COL18A1: variants seen among roughly 807,000 people sequenced by gnomAD.
COL18A1 encodes collagen alpha-1(XVIII) chain.
COL18A1 carries 133 observed loss-of-function variants against 168.0 expected under a neutral mutation model. The ratio of observed to expected loss-of-function variants is 0.79; its 90% CI spans 0.69 to 0.91. COL18A1 has a LOEUF of 0.91. COL18A1 is among the 40% of genes least tolerant of loss of function. The pLI is 0.00. For missense variants in COL18A1, 2,126 were observed against 1,925.4 expected (o/e 1.10, Z -1.95); for synonymous variants, 949 against 809.0 (o/e 1.17, Z -2.94).
At chr21:45,477,555 A>T (rs1460010783) in intron 7 of COL18A1, 68 bp downstream of exon 7, 1 of 1,455,514 alleles carries the variant, frequency 6.9e-7, no homozygotes, top group African/African-American at 1.4e-5. Context: ...TGGGCCACTC[A>T]CTGGTGAGCC....
chr21:45,436,326 C>T (rs942828712), intron 2 of COL18A1, among the ~76,000 whole-genome samples: 5 of 152,218 alleles, frequency 3.3e-5, no homozygotes, highest in African/African-American at 4.8e-5. Flanking sequence ...CCACCCTCAC[C>T]CGGGGCCCAT....
At chr21:45,501,211 AT>A (rs2036803508) in intron 32 of COL18A1, among the ~76,000 whole-genome samples, 1 of 151,998 alleles carries the variant, frequency 6.6e-6, no homozygotes, top group East Asian at 1.9e-4. Flanking sequence ...AAATTGAGTA[AT>A]TCTACATTTC....
At chr21:45,458,715 A>C (rs980173816) in intron 2 of COL18A1, among the ~76,000 whole-genome samples, 2 of 152,138 alleles carry the variant, frequency 1.3e-5, no homozygotes, top group African/African-American at 4.8e-5. Flanking sequence ...CCTCCACTGC[A>C]AGCCCACGGA....
intron 25 of COL18A1, 73 bp downstream of exon 25, chr21:45,493,298 C>T: frequency 6.7e-7 from 1 of 1,501,202 alleles, no homozygotes; most frequent in East Asian, 2.5e-5. Context: ...CAGATGACCA[C>T]TGTTGGGAGG....
At chr21:45,499,344 G>A (rs866635558) in intron 32 of COL18A1, among the ~76,000 whole-genome samples, 14 of 152,172 alleles carry the variant, frequency 9.2e-5, no homozygotes, top group East Asian at 3.9e-4. Flanking sequence ...AGGAACCGGC[G>A]TCCCAGCGAC....
intron 3 of COL18A1, among the ~76,000 whole-genome samples, chr21:45,472,700 G>A (rs1441888372): frequency 2.0e-5 from 3 of 152,160 alleles, no homozygotes; most frequent in South Asian, 2.1e-4. Context: ...GCCCTCCCCC[G>A]CAGTGTGACG....
chr21:45,483,034 T>G (rs1359621795), intron 15 of COL18A1, among the ~76,000 whole-genome samples: 1 of 152,170 alleles, frequency 6.6e-6, no homozygotes, highest in Admixed American at 6.5e-5. Context: ...CCTTGTCACT[T>G]TTGTGATGTG....
intron 2 of COL18A1, among the ~76,000 whole-genome samples, chr21:45,462,601 C>T (rs2035081890): frequency 6.6e-6 from 1 of 152,234 alleles, no homozygotes; most frequent in Admixed American, 6.5e-5. Context: ...TTTCTGGTTT[C>T]TTTCAAGGTT....
intron 38 of COL18A1, among the ~76,000 whole-genome samples, chr21:45,508,448 T>C (rs958313042): frequency 6.2e-5 from 8 of 128,666 alleles, no homozygotes; most frequent in African/African-American, 2.4e-4. Flanking sequence ...GGTAAGTGGG[T>C]GAGTGGATGG....
chr21:45,456,655 C>T (rs1036486791), intron 2 of COL18A1: 3 of 1,534,600 alleles, frequency 2.0e-6, no homozygotes, highest in African/African-American at 1.4e-5. Context: ...CGTGGGGGGG[C>T]CTGCTGCAGA....
At chr21:45,454,436 G>T (rs1236638153) in intron 2 of COL18A1, among the ~76,000 whole-genome samples, 1 of 152,198 alleles carries the variant, frequency 6.6e-6, no homozygotes, top group South Asian at 2.1e-4. Context: ...CCAGCTGGGG[G>T]AGCTGGCGTG....
In COL18A1 at chr21:45,452,856, T is replaced by TG. The variant is rs551684688; in HGVS notation, c.107-15382dup. On this transcript the variant is annotated intron_variant, in intron 2 of 41. Coordinates refer to ENST00000651438, the MANE Select transcript of COL18A1 (RefSeq NM_001379500.1). ...ACATGTGTAAACATGTATGTATGTG[T>TG]GGGGCTTGTGTATGCATGTGAGTAT... Among the ~76,000 whole-genome samples, 250 of 144,914 alleles carry TG rather than the reference T, an allele frequency of 1.7e-3. 1 individual carries two copies. The highest frequency in any genetic ancestry group is 6.1e-3 in the African/African-American group (235 of 38,574).
chr21:45,432,460 G>A (rs1444215931), intron 2 of COL18A1, among the ~76,000 whole-genome samples: 1 of 152,196 alleles, frequency 6.6e-6, no homozygotes, highest in African/African-American at 2.4e-5. Context: ...GATGGACTGG[G>A]GTGCTCAGCT....
rs1183076359 is a variant in COL18A1 at position 45,512,443 on chromosome 21, G to GA, written c.*45_*46insA. 18 of 1,581,324 alleles carry GA rather than the reference G, an allele frequency of 1.1e-5. No individual in the cohort carries two copies. The highest frequency in any genetic ancestry group is 1.8e-4 in the Middle Eastern group (1 of 5,542). ...GGCCGGAGAGGACCGGCGGCTCGGA[G>GA]GAAGCCCCCACCGTGGGCAGGGAGC... On this transcript the variant is annotated 3_prime_UTR_variant, in exon 42 of 42. Coordinates refer to ENST00000651438, the MANE Select transcript of COL18A1 (RefSeq NM_001379500.1).
At chr21:45,483,259 C>T (rs2035961894) in intron 15 of COL18A1, among the ~76,000 whole-genome samples, 1 of 152,080 alleles carries the variant, frequency 6.6e-6, no homozygotes, top group Non-Finnish European at 1.5e-5. Context: ...GGAGCCCCAT[C>T]CACCCGTCCC....
chr21:45,491,353 A>T, intron 22 of COL18A1, 39 bp downstream of exon 22: 1 of 1,354,128 alleles, frequency 7.4e-7, no homozygotes, highest in Non-Finnish European at 1.0e-6. Context: ...ATCTGTCCAG[A>T]CCCCCCACGG....
At chr21:45,441,001 C>T (rs74394028) in intron 2 of COL18A1, among the ~76,000 whole-genome samples, 29 of 152,306 alleles carry the variant, frequency 1.9e-4, no homozygotes, top group African/African-American at 6.7e-4. Context: ...CTCGCTGTGC[C>T]GAGGCTGATG....
intron 2 of COL18A1, among the ~76,000 whole-genome samples, chr21:45,416,641 T>C (rs2033454955): frequency 1.3e-5 from 2 of 152,178 alleles, no homozygotes; most frequent in African/African-American, 4.8e-5. Flanking sequence ...TCACCCGGCA[T>C]CTCTTAGATT....
rs35616809 is a variant in COL18A1, at chr21:45,475,607, CAT to C, written c.798+73_798+74del. 243,852 of 1,291,384 alleles carry C rather than the reference CAT, an allele frequency of 0.19. 23,434 individuals carry two copies. The highest frequency in any genetic ancestry group is 0.21 in the Admixed American group (10,685 of 51,488). The allele number at this position is 1,291,384 out of a possible 1,614,324, so 80.0% of individuals were successfully genotyped here. On this transcript the variant is annotated intron_variant, in intron 5 of 41. Transcript: ENST00000651438. ...AGCCCCTCCCAGCAGTGGGGTGACACATGTGCACACGCAGGTGTGGCTCCAAG... is the reference window on the plus strand; with the variant it reads ...AGCCCCTCCCAGCAGTGGGGTGACACGTGCACACGCAGGTGTGGCTCCAAG...
Sources: gnomAD v4.1 joint callset for allele counts (sites outside exome capture counted in the v4.1 genomes callset) on GRCh38, gnomAD v4.1.1 for gene constraint, MANE v1.5 for transcripts, NCBI Gene and HGNC (gene_info 2026-07-23, HGNC 2026-07-21) for gene names.